The following GABBR2 variants were observed in gnomAD, a reference collection of about 807,000 sequenced individuals.
GABBR2 encodes G-protein coupled receptor 51.
A neutral mutation model predicts 105.6 loss-of-function variants in GABBR2; 23 were observed. The ratio of observed to expected loss-of-function variants is 0.22; its 90% CI spans 0.16 to 0.31. The LOEUF is 0.31. Among genes scored for constraint, GABBR2 ranks in the 10% least tolerant of loss-of-function variants. The pLI, the probability that GABBR2 is intolerant of heterozygous loss-of-function variation, is 1.00. For missense variants in GABBR2, 734 were observed against 1,245.5 expected (o/e 0.59, Z 6.18); for synonymous variants, 478 against 499.7 (o/e 0.96, Z 0.58).
chr9:98,519,097 T>C (rs1827817940), intron 3 of GABBR2, among the ~76,000 whole-genome samples: 2 of 152,214 alleles, frequency 1.3e-5, no homozygotes. Flanking sequence ...GCACCAAGAT[T>C]ACTGTTATTG....
At chr9:98,581,138 T>C (rs2779526) in intron 1 of GABBR2, 117,054 of 152,402 alleles carry the variant, frequency 0.77, 46,167 homozygotes, top group African/African-American at 0.95. Flanking sequence ...GGATGGTGGC[T>C]GGTGCTGTGG....
At chr9:98,649,282 G>C (rs1239574765) in intron 1 of GABBR2, among the ~76,000 whole-genome samples, 1 of 152,176 alleles carries the variant, frequency 6.6e-6, no homozygotes, top group Non-Finnish European at 1.5e-5. Flanking sequence ...TTACAGCTCA[G>C]AGGCAAATGT....
chr9:98,399,851 A>C (rs905830206), intron 8 of GABBR2, among the ~76,000 whole-genome samples: 1 of 152,092 alleles, frequency 6.6e-6, no homozygotes, highest in Non-Finnish European at 1.5e-5. Context: ...CTGCAGACCA[A>C]CAAGAAAAAG....
intron 2 of GABBR2, among the ~76,000 whole-genome samples, chr9:98,550,599 A>G (rs1354527685): frequency 6.6e-6 from 1 of 152,170 alleles, no homozygotes; most frequent in Non-Finnish European, 1.5e-5. Context: ...AAAGACGGGC[A>G]GCAGCTGAGT....
At chr9:98,540,786 T>C (rs545784564) in intron 3 of GABBR2, among the ~76,000 whole-genome samples, 4 of 152,210 alleles carry the variant, frequency 2.6e-5, no homozygotes, top group East Asian at 1.9e-4. Flanking sequence ...CACATGGGAA[T>C]AGAAAGGAGA....
intron 3 of GABBR2, among the ~76,000 whole-genome samples, chr9:98,508,726 G>A (rs886411513): frequency 9.2e-5 from 14 of 152,112 alleles, no homozygotes; most frequent in South Asian, 6.3e-4. Context: ...AGGGGCGCCC[G>A]CCACTGCTGA....
intron 2 of GABBR2, among the ~76,000 whole-genome samples, chr9:98,568,896 T>A (rs766785659): frequency 2.0e-5 from 3 of 152,152 alleles, no homozygotes; most frequent in Non-Finnish European, 4.4e-5. Context: ...GCACTGGGCA[T>A]CTGATGACAG....
chr9:98,398,323 C>T (rs896767602), intron 8 of GABBR2, among the ~76,000 whole-genome samples: 1 of 137,714 alleles, frequency 7.3e-6, no homozygotes, highest in African/African-American at 3.6e-5. Context: ...AATTCTAGGA[C>T]CCACCCCCCA....
Position 98,577,199 on chromosome 9 carries a change from A to AATGGATGGATGGATGGATGG in GABBR2, c.459+716_459+735dup, listed in dbSNP as rs766802691. ...GAACATATGGATGGATGGATAGGTG[A>AATGGATGGATGGATGGATGG]ATGGATGGATGGATGGATGGATGGA... On this transcript the variant is annotated intron_variant, in intron 2 of 18. Transcript: ENST00000259455. Among the ~76,000 whole-genome samples the AATGGATGGATGGATGGATGG allele has an allele frequency of 3.6e-5, 4 of 111,290 alleles. 1 individual carries two copies. The South Asian group carries it at 1.3e-3, about 35-fold the overall frequency. The allele number at this position is 111,290 out of a possible 152,430, so 73.0% of individuals were successfully genotyped here.
At chr9:98,451,899 C>G (rs1826236638) in intron 7 of GABBR2, among the ~76,000 whole-genome samples, 1 of 152,202 alleles carries the variant, frequency 6.6e-6, no homozygotes, top group South Asian at 2.1e-4. Context: ...CTAACTCCTG[C>G]CCACAGTTCA....
intron 3 of GABBR2, among the ~76,000 whole-genome samples, chr9:98,512,615 A>G (rs922697270): frequency 6.6e-6 from 1 of 152,034 alleles, no homozygotes; most frequent in African/African-American, 2.4e-5. Flanking sequence ...CCAATAACAG[A>G]CAAACAGAGA....
At chr9:98,706,109 C>CAAAAAAAAA (rs3983388) in intron 1 of GABBR2, among the ~76,000 whole-genome samples, 6 of 136,990 alleles carry the variant, frequency 4.4e-5, no homozygotes, top group South Asian at 2.3e-4. Context: ...ACAAAAAAAA[C>CAAAAAAAAA]AAAAAAAAAA....
chr9:98,492,349 T>TAAAAAAAAAAA lies in GABBR2; in HGVS notation c.732+4053_732+4063dup, dbSNP rs574771107. The stretch of plus-strand genomic sequence containing the variant: ...GAGCCCGCTTAAGTTTGTTTCCTAG[T>TAAAAAAAAAAA]AAAAAAAAAAAAAAAAAAAAAAAAA... On this transcript the variant is annotated intron_variant, in intron 4 of 18. Coordinates refer to ENST00000259455, the MANE Select transcript of GABBR2 (RefSeq NM_005458.8). 3.4e-3 allele frequency among the ~76,000 whole-genome samples: 100 copies of TAAAAAAAAAAA among 29,210 alleles called. 14 individuals are homozygous for TAAAAAAAAAAA. Among genetic ancestry groups the TAAAAAAAAAAA allele is most frequent in the South Asian group, 0.01 (3 of 290 alleles). 19.2% of individuals were successfully genotyped at this position (29,210 alleles called of 152,430 possible).
At chr9:98,630,761 AAGG>A (rs954012058) in intron 1 of GABBR2, among the ~76,000 whole-genome samples, 1 of 152,198 alleles carries the variant, frequency 6.6e-6, no homozygotes, top group Non-Finnish European at 1.5e-5. Flanking sequence ...AAAAATGAAA[AAGG>A]AGAGTTGAAT....
chr9:98,335,285 G>A (rs1374027980), intron 13 of GABBR2, among the ~76,000 whole-genome samples: 3 of 152,196 alleles, frequency 2.0e-5, no homozygotes, highest in Non-Finnish European at 4.4e-5. Flanking sequence ...CTCTGAGTCT[G>A]TAATTCTTTT....
rs535159251 is a variant in GABBR2 at position 98,395,985 on chromosome 9, T to A, written c.1298-1730A>T. Among the ~76,000 whole-genome samples, 7 of 152,234 alleles carry A rather than the reference T, an allele frequency of 4.6e-5. No individual in the cohort carries two copies. The East Asian group carries it at 1.4e-3, about 29-fold the overall frequency. ...TGGAGTAGGTGGTCTCAGTCCCACT[T>A]AAAGACAAGGAGACGGAGGCTCAGA... On this transcript the variant is annotated intron_variant, in intron 8 of 18. Coordinates refer to ENST00000259455, the MANE Select transcript of GABBR2 (RefSeq NM_005458.8).
chr9:98,503,688 A>G (rs1827448855), intron 3 of GABBR2, among the ~76,000 whole-genome samples: 2 of 152,126 alleles, frequency 1.3e-5, no homozygotes, highest in South Asian at 4.2e-4. Context: ...ACCAATACAC[A>G]TCCACTGTCC....
chr9:98,519,368 C>T (rs1827823091), intron 3 of GABBR2, among the ~76,000 whole-genome samples: 1 of 152,320 alleles, frequency 6.6e-6, no homozygotes, highest in East Asian at 1.9e-4. Context: ...CAGAGAAGAG[C>T]AAGGGTTCTT....
intron 13 of GABBR2, among the ~76,000 whole-genome samples, chr9:98,341,547 T>C (rs1831213523): frequency 6.6e-6 from 1 of 152,248 alleles, no homozygotes; most frequent in Non-Finnish European, 1.5e-5. Flanking sequence ...AGATGGTTAT[T>C]GCGGCTGAGC....
Sources: allele counts gnomAD v4.1 joint callset (sites outside exome capture counted in the v4.1 genomes callset), GRCh38; gene constraint gnomAD v4.1.1; transcripts MANE v1.5; gene names NCBI Gene and HGNC (gene_info 2026-07-23, HGNC 2026-07-21).